PCDH11Y: variants seen among roughly 807,000 people sequenced by gnomAD.
PCDH11Y encodes protocadherin 11 Y-linked.
For synonymous variants in PCDH11Y, 9 were observed against 83.6 expected (o/e 0.11, Z 4.87); for missense variants, 12 against 224.8 (o/e 0.05, Z 6.05).
At chrY:5,454,296 C>T (rs2053295727) in intron 2 of PCDH11Y, among the ~76,000 whole-genome samples, 1 of 33,572 alleles carries the variant, frequency 3.0e-5, no homozygotes, top group Non-Finnish European at 7.4e-5. Flanking sequence ...GAAGGATGGG[C>T]TCCCAAGGCC....
chrY:5,679,346 C>A, intron 4 of PCDH11Y, among the ~76,000 whole-genome samples: 2 of 33,676 alleles, frequency 5.9e-5, no homozygotes, highest in Admixed American at 5.3e-4. Context: ...TTGTGAGTCC[C>A]CCTTTCTAGG....
At chrY:5,135,293 C>T (rs2571738) in intron 2 of PCDH11Y, among the ~76,000 whole-genome samples, 2 of 32,722 alleles carry the variant, frequency 6.1e-5, no homozygotes, top group Admixed American at 2.8e-4. Context: ...GTCTGGGGGA[C>T]GGGAGGGAGC....
chrY:5,132,457 A>C lies in PCDH11Y; in HGVS notation c.3129+31750A>C, dbSNP rs1602873353. Among the ~76,000 whole-genome samples the C allele has an allele frequency of 3.5e-4, 11 of 31,664 alleles. No individual in the cohort carries two copies. The East Asian group carries it at 9.0e-3, about 26-fold the overall frequency. The allele number at this position is 31,664 out of a possible 37,273, so 85.0% of individuals were successfully genotyped here. On this transcript the variant is annotated intron_variant, in intron 2 of 4. Transcript: ENST00000400457. ...TCTTACTATTTGAACCTGGTAATTC[A>C]CATATGCGGTGAAATGTTACCACAA...
intron 2 of PCDH11Y, among the ~76,000 whole-genome samples, chrY:5,144,250 C>G (rs2052854235): frequency 3.1e-5 from 1 of 32,654 alleles, no homozygotes. Flanking sequence ...AAAAATCCCT[C>G]TATTTTTTCT....
chrY:5,525,518 T>C (rs2053386726), intron 3 of PCDH11Y, among the ~76,000 whole-genome samples: 1 of 30,854 alleles, frequency 3.2e-5, no homozygotes, highest in African/African-American at 1.3e-4. Context: ...GAGACTTTGC[T>C]CTCACTCTAT....
intron 1 of PCDH11Y, among the ~76,000 whole-genome samples, chrY:5,018,360 AT>A (rs2052563956): frequency 4.2e-5 from 1 of 23,692 alleles, no homozygotes. Flanking sequence ...AGATGATTGC[AT>A]TTTTGTTTCA....
At chrY:5,434,540 T>TCTCTC (rs2053271936) in intron 2 of PCDH11Y, among the ~76,000 whole-genome samples, 1 of 29,220 alleles carries the variant, frequency 3.4e-5, no homozygotes, top group Non-Finnish European at 8.3e-5. Context: ...CTCTCTCTCT[T>TCTCTC]TCTCTCTCTC....
chrY:5,035,781 T>C, intron 3 of PCDH11Y, among the ~76,000 whole-genome samples: 2 of 32,333 alleles, frequency 6.2e-5, no homozygotes, highest in Non-Finnish European at 1.5e-4. Context: ...AAAAATGTTA[T>C]GAAGGGTTAT....
chrY:5,244,289 G>C (rs2052992796), intron 2 of PCDH11Y, among the ~76,000 whole-genome samples: 1 of 33,651 alleles, frequency 3.0e-5, no homozygotes, highest in South Asian at 6.8e-4. Context: ...GAAACTTATA[G>C]CACTAAACGC....
chrY:5,122,164 C>G, intron 2 of PCDH11Y, among the ~76,000 whole-genome samples: 2 of 32,743 alleles, frequency 6.1e-5, no homozygotes, highest in African/African-American at 2.4e-4. Context: ...ACCTTAATCA[C>G]AGGGCATGGT....
At chrY:5,212,734 G>A (rs2052940750) in intron 2 of PCDH11Y, among the ~76,000 whole-genome samples, 1 of 26,657 alleles carries the variant, frequency 3.8e-5, no homozygotes, top group Non-Finnish European at 7.6e-5. Context: ...GTGTGAAGTC[G>A]GCTCCTTTCT....
At chrY:5,198,625 G>A (rs2052923697) in intron 2 of PCDH11Y, among the ~76,000 whole-genome samples, 6 of 32,917 alleles carry the variant, frequency 1.8e-4, no homozygotes, top group Non-Finnish European at 3.7e-4. Context: ...TTATATAATA[G>A]CAAAGCTTTA....
intron 1 of PCDH11Y, among the ~76,000 whole-genome samples, chrY:5,057,918 G>A: frequency 3.2e-5 from 1 of 31,616 alleles, no homozygotes; most frequent in African/African-American, 1.2e-4. Flanking sequence ...TATTTGAGAG[G>A]TGACTAGAAC....
At chrY:5,458,136 G>A (rs2124683499) in intron 2 of PCDH11Y, among the ~76,000 whole-genome samples, 4 of 32,470 alleles carry the variant, frequency 1.2e-4, no homozygotes, top group Admixed American at 8.5e-4. Flanking sequence ...TCAAGTTTTG[G>A]CACATTATTC....
intron 2 of PCDH11Y, among the ~76,000 whole-genome samples, chrY:5,359,881 G>A: frequency 3.1e-5 from 1 of 32,767 alleles, no homozygotes; most frequent in East Asian, 8.2e-4. Context: ...AGGGCAAGTA[G>A]CATCATTCAT....
intron 3 of PCDH11Y, among the ~76,000 whole-genome samples, chrY:5,571,412 T>C (rs2053439247): frequency 3.2e-5 from 1 of 31,017 alleles, no homozygotes; most frequent in Non-Finnish European, 7.8e-5. Flanking sequence ...ATTTTTGAAA[T>C]GGTAATTATA....
intron 2 of PCDH11Y, among the ~76,000 whole-genome samples, chrY:5,175,760 A>G: frequency 4.7e-4 from 1 of 2,113 alleles, no homozygotes; most frequent in Admixed American, 3.8e-3. Context: ...ACATTTTCTT[A>G]ATCCAGTCTA....
intron 3 of PCDH11Y, among the ~76,000 whole-genome samples, chrY:5,042,315 G>T: frequency 4.7e-5 from 1 of 21,078 alleles, no homozygotes; most frequent in East Asian, 1.2e-3. Context: ...TCCAGTTTCA[G>T]CTTTCTACAT....
chrY:5,126,283 AGT>A (rs2052825561), intron 2 of PCDH11Y, among the ~76,000 whole-genome samples: 1 of 33,503 alleles, frequency 3.0e-5, no homozygotes, highest in Non-Finnish European at 7.4e-5. Context: ...TTGGTGCAAA[AGT>A]AATTGTGGTT....
Sources: gnomAD v4.1 joint callset for allele counts (sites outside exome capture counted in the v4.1 genomes callset) on GRCh38, gnomAD v4.1.1 for gene constraint, MANE v1.5 for transcripts, NCBI Gene and HGNC (gene_info 2026-07-23, HGNC 2026-07-21) for gene names.